The following PUS10 variants were observed in gnomAD, a reference collection of about 807,000 sequenced individuals.
The protein encoded by PUS10 is pseudouridine synthase 10, also known as tRNA pseudouridine synthase Pus10.
PUS10 carries 59 observed loss-of-function variants against 75.0 expected under a neutral mutation model. The observed-to-expected ratio is 0.79, with a 90% CI of 0.64 to 0.98. The LOEUF is 0.98. Ranked by LOEUF, PUS10 falls within the 50% of genes least tolerant of loss-of-function variation. The probability of loss-of-function intolerance (pLI) is 0.00; values close to 1 mark genes in which losing one functional copy is unlikely to be tolerated. For missense variants in PUS10, 650 were observed against 614.4 expected, an observed-to-expected ratio of 1.06 and a Z score of -0.61; for synonymous variants, 219 against 211.6, an observed-to-expected ratio of 1.03 and a Z score of -0.30.
intron 4 of PUS10, among the ~76,000 whole-genome samples, chr2:60,975,786 G>A (rs1573445657): frequency 6.6e-6 from 1 of 150,842 alleles, no homozygotes; most frequent in South Asian, 2.1e-4. Flanking sequence ...TTTTGAGACA[G>A]AGTCTCACTC....
chr2:60,971,901 C>T (rs532131441), intron 4 of PUS10, among the ~76,000 whole-genome samples: 3 of 127,134 alleles, frequency 2.4e-5, no homozygotes, highest in East Asian at 2.3e-4. Flanking sequence ...GACGGAGTCT[C>T]GCTCTGTCAC....
At chr2:60,946,857 GAC>G (rs372203343) in intron 16 of PUS10, among the ~76,000 whole-genome samples, 3 of 90,540 alleles carry the variant, frequency 3.3e-5, no homozygotes, top group East Asian at 2.2e-4. Context: ...TATATATATA[GAC>G]ACACACACAC....
intron 7 of PUS10, 48 bp downstream of exon 7, chr2:60,965,375 C>G: frequency 7.1e-7 from 1 of 1,399,432 alleles, no homozygotes; most frequent in Non-Finnish European, 1.0e-6. Flanking sequence ...GAAAACCAAA[C>G]AGCATTAACA....
At chr2:60,942,828 C>G (rs914646861) in intron 17 of PUS10, among the ~76,000 whole-genome samples, 4 of 152,042 alleles carry the variant, frequency 2.6e-5, no homozygotes, top group African/African-American at 9.7e-5. Context: ...GTCAAGAGTT[C>G]AAGACCAGCC....
In PUS10 at chr2:60,941,134, G is replaced by T. The variant is rs1238885087; in HGVS notation, c.*1261C>A. On this transcript the variant is annotated 3_prime_UTR_variant, in exon 18 of 18. Transcript: ENST00000316752. ...GGAAATTATACTCAAATCTGAAATT[G>T]TAATGAGGCTCCTTTCTGAAACTTA... 1 of 152,244 alleles carries T rather than the reference G, an allele frequency of 6.6e-6. No individual in the cohort carries two copies. Among genetic ancestry groups the T allele is most frequent in the African/African-American group, 2.4e-5 (1 of 41,438 alleles). 9.4% of individuals were successfully genotyped at this position (152,244 alleles called of 1,614,324 possible).
intron 4 of PUS10, among the ~76,000 whole-genome samples, chr2:60,996,736 G>C (rs556925555): frequency 2.0e-5 from 3 of 152,130 alleles, no homozygotes; most frequent in Non-Finnish European, 4.4e-5. Flanking sequence ...GTGAGCATAA[G>C]TGTGATGACT....
At chr2:60,979,568 C>CT (rs1190975334) in intron 4 of PUS10, among the ~76,000 whole-genome samples, 1 of 152,206 alleles carries the variant, frequency 6.6e-6, no homozygotes, top group Non-Finnish European at 1.5e-5. Flanking sequence ...AAACTTTCTT[C>CT]TTTTCCCCAA....
intron 15 of PUS10, among the ~76,000 whole-genome samples, chr2:60,948,568 G>A (rs575243523): frequency 6.6e-6 from 1 of 152,120 alleles, no homozygotes; most frequent in South Asian, 2.1e-4. Flanking sequence ...CTACTGTCAG[G>A]GGTGGGTTGT....
At chr2:60,978,021 T>TG (rs1677143041) in intron 4 of PUS10, among the ~76,000 whole-genome samples, 1 of 151,860 alleles carries the variant, frequency 6.6e-6, no homozygotes, top group African/African-American at 2.4e-5. Flanking sequence ...TACAGAGTGG[T>TG]GGGGGCTGAG....
intron 15 of PUS10, 63 bp from the exon 16 acceptor site, chr2:60,948,248 T>C: frequency 6.5e-7 from 1 of 1,537,168 alleles, no homozygotes; most frequent in Non-Finnish European, 9.0e-7. Context: ...AATCCTGTCT[T>C]AGCCCTTCCC....
intron 12 of PUS10, 83 bp from the exon 13 acceptor site, chr2:60,954,241 GA>G (rs1675519079): frequency 7.5e-7 from 1 of 1,324,822 alleles, no homozygotes; most frequent in Non-Finnish European, 1.1e-6. Flanking sequence ...TAGGAGGTGT[GA>G]AAAGTGGGTT....
intron 4 of PUS10, among the ~76,000 whole-genome samples, chr2:60,991,431 C>T (rs1483694934): frequency 6.6e-6 from 1 of 152,140 alleles, no homozygotes; most frequent in Non-Finnish European, 1.5e-5. Flanking sequence ...ATTCCAAGGT[C>T]TTTGCATTCT....
chr2:61,017,899 G>A, intron 1 of PUS10, 109 bp downstream of exon 1: 1 of 1,520,604 alleles, frequency 6.6e-7, no homozygotes, highest in Non-Finnish European at 8.9e-7. Flanking sequence ...CCCGAGCGGG[G>A]ACTTGGCAGG....
At position 60,943,776 on chromosome 2, in the gene PUS10, G is replaced by A. The variant is rs35149334; in HGVS notation, c.1551+1233C>T. ...TGATCACAATCTTGTGTGTGTGTGTGTGTGTGTGTGTGTGTGTGGAGGGGA... is the reference window on the plus strand; with the variant it reads ...TGATCACAATCTTGTGTGTGTGTGTATGTGTGTGTGTGTGTGTGGAGGGGA... On this transcript the variant is annotated intron_variant, in intron 17 of 17. Transcript: ENST00000316752. Among the ~76,000 whole-genome samples, 219 of 124,902 alleles carry A rather than the reference G, an allele frequency of 1.8e-3. 1 individual carries two copies. Among genetic ancestry groups the A allele is most frequent in the African/African-American group, 5.1e-3 (200 of 38,902 alleles). The allele number at this position is 124,902 out of a possible 152,430, so 81.9% of individuals were successfully genotyped here. A position where few individuals can be genotyped will look rare whatever the true frequency, so the allele number is the denominator to read the frequency against.
chr2:60,990,531 C>T (rs192103591), intron 4 of PUS10, among the ~76,000 whole-genome samples: 9 of 152,138 alleles, frequency 5.9e-5, no homozygotes, highest in East Asian at 3.9e-4. Flanking sequence ...TAAATGGGGA[C>T]GAGAACAGTC....
intron 4 of PUS10, among the ~76,000 whole-genome samples, chr2:61,001,430 C>T (rs1678852468): frequency 6.6e-6 from 1 of 152,112 alleles, no homozygotes; most frequent in African/African-American, 2.4e-5. Flanking sequence ...GTGCACACCA[C>T]CACACCCGTC....
chr2:60,998,219 A>AG (rs1427884810), intron 4 of PUS10, among the ~76,000 whole-genome samples: 1 of 152,224 alleles, frequency 6.6e-6, no homozygotes, highest in Non-Finnish European at 1.5e-5. Flanking sequence ...TAATGGCCTG[A>AG]GAGTTTAAGA....
intron 4 of PUS10, among the ~76,000 whole-genome samples, chr2:60,976,806 A>T (rs1677056576): frequency 6.6e-6 from 1 of 152,216 alleles, no homozygotes; most frequent in Admixed American, 6.5e-5. Context: ...AAAAAGAAGT[A>T]TATTTCTCCC....
intron 6 of PUS10, chr2:60,965,805 A>C (rs947914792): frequency 1.1e-5 from 2 of 187,842 alleles, no homozygotes; most frequent in Non-Finnish European, 2.2e-5. Flanking sequence ...ATAAATAATA[A>C]CAGAGAGAAA....
Sources: gnomAD v4.1 joint callset for allele counts (sites outside exome capture counted in the v4.1 genomes callset) on GRCh38, gnomAD v4.1.1 for gene constraint, MANE v1.5 for transcripts, NCBI Gene and HGNC (gene_info 2026-07-23, HGNC 2026-07-21) for gene names.